Variants in RGS12 observed in about 807,000 individuals in gnomAD.
RGS12 encodes regulator of G-protein signaling 12.
RGS12 carries 66 observed loss-of-function variants against 120.1 expected under a neutral mutation model. The observed-to-expected ratio is 0.55, with a 90% CI of 0.45 to 0.67. RGS12 has a LOEUF of 0.67. RGS12 is among the 30% of genes least tolerant of loss of function. The probability of loss-of-function intolerance (pLI) is 0.00; values close to 1 mark genes in which losing one functional copy is unlikely to be tolerated. For synonymous variants in RGS12, 827 were observed against 804.7 expected, an observed-to-expected ratio of 1.03 and a Z score of -0.47; for missense variants, 1,859 against 1,957.7, an observed-to-expected ratio of 0.95 and a Z score of 0.95.
intron 1 of RGS12, among the ~76,000 whole-genome samples, chr4:3,298,891 A>G (rs911463790): frequency 2.6e-5 from 4 of 152,176 alleles, no homozygotes; most frequent in African/African-American, 7.2e-5. Flanking sequence ...CTGTCATTAA[A>G]TCTTTGAACA....
chr4:3,297,497 C>G (rs541199677), intron 1 of RGS12, among the ~76,000 whole-genome samples: 5 of 152,336 alleles, frequency 3.3e-5, no homozygotes, highest in African/African-American at 1.2e-4. Flanking sequence ...CTCCCTGTCC[C>G]TCTATGTGCC....
intron 16 of RGS12, among the ~76,000 whole-genome samples, chr4:3,429,749 G>T (rs552451361): frequency 1.3e-5 from 2 of 152,208 alleles, no homozygotes; most frequent in Non-Finnish European, 2.9e-5. Context: ...GGAGGCCCAG[G>T]GGCACCCGTC....
At chr4:3,410,489 C>A (rs1490867934) in intron 4 of RGS12, among the ~76,000 whole-genome samples, 4 of 152,204 alleles carry the variant, frequency 2.6e-5, no homozygotes, top group Non-Finnish European at 2.9e-5. Context: ...TTTGGGGGGG[C>A]TGTCCAGCCA....
At chr4:3,324,592 C>G (rs1393011579) in intron 2 of RGS12, 1 of 154,054 alleles carries the variant, frequency 6.5e-6, no homozygotes, top group Non-Finnish European at 1.4e-5. Context: ...CAGCCTGATA[C>G]AGCAGGGCCC....
chr4:3,434,636 G>A (rs960034526), intron 17 of RGS12, among the ~76,000 whole-genome samples: 3 of 152,196 alleles, frequency 2.0e-5, no homozygotes, highest in Admixed American at 6.5e-5. Context: ...AGACGTCTGC[G>A]CTTTGTGTTT....
At chr4:3,338,339 C>T (rs369237639) in intron 2 of RGS12, among the ~76,000 whole-genome samples, 3 of 152,256 alleles carry the variant, frequency 2.0e-5, no homozygotes, top group Non-Finnish European at 2.9e-5. Flanking sequence ...GGATTACAGG[C>T]GTGAGCCACT....
chr4:3,431,366 G>C (rs779908861), intron 17 of RGS12: 61 of 1,038,038 alleles, frequency 5.9e-5, no homozygotes, highest in Admixed American at 1.0e-4. Context: ...TTTGTCTTGA[G>C]TGAGGAAGTG....
rs771376983 is a variant in RGS12, at chr4:3,317,046, C to G, written c.876C>G (p.Ala292=). 3.1e-6 allele frequency: 5 copies of G among 1,613,608 alleles called. No individual in the cohort carries two copies. Among genetic ancestry groups the G allele is most frequent in the Non-Finnish European group, 4.2e-6 (5 of 1,180,044 alleles). ...GCACTGACAAGGCTGGAGTCGTGGC[C>G]GAGTACCCGGCCGAGAAGCTGGCCT... ...QLSTDKAGVV[A]EYPAEKLAFS... is the part of the protein sequence containing the mutation. Residue 292 remains alanine (A), a synonymous_variant, in exon 2 of 18, where the codon GCC becomes GCG. Coordinates refer to ENST00000336727, the MANE Select transcript of RGS12 (RefSeq NM_001394154.1).
chr4:3,290,257 C>A (rs533704185), upstream of RGS12, among the ~76,000 whole-genome samples: 7 of 152,298 alleles, frequency 4.6e-5, no homozygotes, highest in African/African-American at 1.7e-4. Context: ...TGTATCTTAA[C>A]CATTGTTAAG....
chr4:3,412,933 G>A (rs1721890848), intron 4 of RGS12: 2 of 152,314 alleles, frequency 1.3e-5, no homozygotes, highest in African/African-American at 4.8e-5. Flanking sequence ...CTCAGGCCAG[G>A]CCGGCCACTC....
In RGS12 at chr4:3,293,455, G is replaced by A. The variant is rs1228337634; in HGVS notation, c.-102+356G>A. Among the ~76,000 whole-genome samples the A allele has an allele frequency of 2.7e-5, 4 of 150,942 alleles. No homozygotes were observed. The East Asian group carries it at 7.8e-4, about 30-fold the overall frequency. On this transcript the variant is annotated intron_variant, in intron 1 of 17. Coordinates refer to ENST00000336727, the MANE Select transcript of RGS12 (RefSeq NM_001394154.1). Reference sequence around the variant, plus strand: ...ACCCGCGGGGGCGGCGCCGGGCAGGGGGTCCCGCGGGCGAGATGCGCCCGG... The same window carrying A: ...ACCCGCGGGGGCGGCGCCGGGCAGGAGGTCCCGCGGGCGAGATGCGCCCGG...
At chr4:3,406,527 A>T (rs542115126) in intron 4 of RGS12, among the ~76,000 whole-genome samples, 1 of 152,268 alleles carries the variant, frequency 6.6e-6, no homozygotes, top group Admixed American at 6.5e-5. Flanking sequence ...TTGTGTAATG[A>T]AGTGTCAGTG....
chr4:3,322,272 G>T (rs950510356), intron 2 of RGS12, among the ~76,000 whole-genome samples: 9 of 152,246 alleles, frequency 5.9e-5, no homozygotes, highest in Non-Finnish European at 1.2e-4. Flanking sequence ...CTGGGGAGGA[G>T]CAAGGAAGGG....
intron 1 of RGS12, among the ~76,000 whole-genome samples, chr4:3,311,571 G>A (rs1018347895): frequency 3.3e-5 from 5 of 152,184 alleles, no homozygotes; most frequent in African/African-American, 9.7e-5. Flanking sequence ...CTCTGACACC[G>A]ATGTGGCACC....
intron 13 of RGS12, among the ~76,000 whole-genome samples, chr4:3,425,113 G>A (rs572314213): frequency 7.1e-4 from 108 of 152,290 alleles, no homozygotes; most frequent in Non-Finnish European, 1.5e-3. Context: ...TTGCTTCCTT[G>A]TTTACAAAGG....
At chr4:3,387,197 G>A (rs528735694) in intron 4 of RGS12, among the ~76,000 whole-genome samples, 6 of 152,348 alleles carry the variant, frequency 3.9e-5, no homozygotes, top group African/African-American at 7.2e-5. Flanking sequence ...ACCTGGCATC[G>A]CTGTGGGCCA....
intron 2 of RGS12, among the ~76,000 whole-genome samples, chr4:3,318,365 T>A (rs2110411915): frequency 6.6e-6 from 1 of 152,250 alleles, no homozygotes; most frequent in South Asian, 2.1e-4. Context: ...ATAAGGCCCT[T>A]CCTCCCCTTC....
At position 3,428,070 on chromosome 4, in the gene RGS12, T is replaced by C; in HGVS notation, c.3332-20T>C. ...ATGGATTTGCGAGTCCCTGAAGTCATAAAGCTTTCTTATGTTTAGCATCCG... is the reference window on the plus strand; with the variant it reads ...ATGGATTTGCGAGTCCCTGAAGTCACAAAGCTTTCTTATGTTTAGCATCCG... On this transcript the variant is annotated intron_variant, in intron 14 of 17. Transcript: ENST00000336727. 6.2e-7 allele frequency: 1 copy of C among 1,610,124 alleles called. No individual in the cohort carries two copies. Among genetic ancestry groups the C allele is most frequent in the Non-Finnish European group, 8.5e-7 (1 of 1,176,722 alleles).
At position 3,363,102 on chromosome 4, in the gene RGS12, AGTGT is replaced by A. The variant is rs200690267; in HGVS notation, c.1998+20057_1998+20060del. ...GCATGTGTGAAGGCGTGTGTATGTGAGTGTGTGTGTGAGAGTGCGCATCAGTGAG... is the reference window on the plus strand; with the variant it reads ...GCATGTGTGAAGGCGTGTGTATGTGAGTGTGTGAGAGTGCGCATCAGTGAG... On this transcript the variant is annotated intron_variant, in intron 3 of 17. Coordinates refer to ENST00000336727, the MANE Select transcript of RGS12 (RefSeq NM_001394154.1). Among the ~76,000 whole-genome samples, 361 of 119,036 alleles carry A rather than the reference AGTGT, an allele frequency of 3.0e-3. 1 individual carries two copies. Among genetic ancestry groups the A allele is most frequent in the African/African-American group, 0.01 (343 of 32,750 alleles). 78.1% of individuals were successfully genotyped at this position (119,036 alleles called of 152,430 possible). A position where few individuals can be genotyped will look rare whatever the true frequency, so the allele number is the denominator to read the frequency against.
Sources: allele counts gnomAD v4.1 joint callset (sites outside exome capture counted in the v4.1 genomes callset), GRCh38; gene constraint gnomAD v4.1.1; transcripts MANE v1.5; gene names NCBI Gene and HGNC (gene_info 2026-07-23, HGNC 2026-07-21).